Variants in SAMD5 observed in about 807,000 individuals in gnomAD.
The protein encoded by SAMD5 is sterile alpha motif domain-containing protein 5.
In SAMD5, 13 loss-of-function variants were observed where a neutral mutation model predicts 11.3. The observed-to-expected ratio is 1.15, with a 90% CI of 0.75 to 1.83. The LOEUF (loss-of-function observed/expected upper bound fraction) is 1.83, where lower values mean the gene tolerates loss of function less well. SAMD5 is among the 40% of genes most tolerant of loss of function. The pLI is 0.00. For synonymous variants in SAMD5, 129 were observed against 111.3 expected (o/e 1.16, Z -1.00); for missense variants, 255 against 239.1 (o/e 1.07, Z -0.44).
At chr6:147,576,670 T>A (rs1185463847) in intron 1 of SAMD5, among the ~76,000 whole-genome samples, 1 of 152,190 alleles carries the variant, frequency 6.6e-6, no homozygotes, top group East Asian at 1.9e-4. Context: ...AATAAACAAT[T>A]GTTGTTACTG....
In SAMD5 at chr6:147,567,319, T is replaced by C; in HGVS notation, c.*2863T>C. 1.0e-6 allele frequency: 1 copy of C among 985,376 alleles called. No individual in the cohort carries two copies. Among genetic ancestry groups the C allele is most frequent in the Non-Finnish European group, 1.2e-6 (1 of 829,858 alleles). The allele number at this position is 985,376 out of a possible 1,614,324, so 61.0% of individuals were successfully genotyped here. A position where few individuals can be genotyped will look rare whatever the true frequency, so the allele number is the denominator to read the frequency against. ...CGAGCAATTTCTCAGTTCAGAGATA[T>C]TTATAGCATCTTGGTGTTATGCAAT... On this transcript the variant is annotated 3_prime_UTR_variant, in exon 2 of 2. Coordinates refer to ENST00000367474, the MANE Select transcript of SAMD5 (RefSeq NM_001030060.3).
At chr6:147,749,769 T>C in the SAMD5 span, among the ~76,000 whole-genome samples, 11 of 152,164 alleles carry the variant, frequency 7.2e-5, no homozygotes, top group Non-Finnish European at 1.0e-4. Context: ...GCACAATTAA[T>C]GTGAAGAAAA....
intron 1 of SAMD5, among the ~76,000 whole-genome samples, chr6:147,691,658 G>A (rs1468821439): frequency 6.6e-6 from 1 of 152,154 alleles, no homozygotes; most frequent in African/African-American, 2.4e-5. Context: ...TAGGCAGAAA[G>A]CCACCAAAGC....
At chr6:147,703,418 T>A (rs988645050) in intron 1 of SAMD5, among the ~76,000 whole-genome samples, 19 of 152,302 alleles carry the variant, frequency 1.2e-4, no homozygotes, top group African/African-American at 4.6e-4. Flanking sequence ...ATTTTGACGG[T>A]CTGCATTTCA....
intron 1 of SAMD5, among the ~76,000 whole-genome samples, chr6:147,520,087 T>C (rs1788228552): frequency 6.6e-6 from 1 of 151,900 alleles, no homozygotes; most frequent in South Asian, 2.1e-4. Context: ...CTTATGAAGT[T>C]GCTTTGTAAA....
intron 1 of SAMD5, among the ~76,000 whole-genome samples, chr6:147,553,538 G>A (rs921313272): frequency 1.3e-5 from 2 of 152,152 alleles, no homozygotes; most frequent in Non-Finnish European, 2.9e-5. Flanking sequence ...CGCTGGACAC[G>A]ATGCCATAAG....
chr6:147,835,195 T>G, the SAMD5 span, among the ~76,000 whole-genome samples: 2 of 141,500 alleles, frequency 1.4e-5, no homozygotes, highest in Non-Finnish European at 3.0e-5. Flanking sequence ...ATTGCACCAC[T>G]GCACTCCAGC....
At chr6:147,815,923 G>T in the SAMD5 span, among the ~76,000 whole-genome samples, 5 of 152,010 alleles carry the variant, frequency 3.3e-5, no homozygotes, top group Admixed American at 2.0e-4. Context: ...AACAAAATGA[G>T]CCCCTTTTGG....
At chr6:147,827,034 C>T in the SAMD5 span, among the ~76,000 whole-genome samples, 2 of 152,110 alleles carry the variant, frequency 1.3e-5, no homozygotes, top group Non-Finnish European at 2.9e-5. Context: ...GCTGCTTTCA[C>T]AGAAACCCTA....
chr6:147,571,181 A>G (rs1033655863), downstream of SAMD5, among the ~76,000 whole-genome samples: 9 of 152,328 alleles, frequency 5.9e-5, no homozygotes, highest in Admixed American at 1.3e-4. Context: ...TTGATCTGAT[A>G]AGCATATTTA....
chr6:147,915,203 A>T, the SAMD5 span, among the ~76,000 whole-genome samples: 1 of 152,234 alleles, frequency 6.6e-6, no homozygotes, highest in African/African-American at 2.4e-5. Flanking sequence ...AAACATCTCT[A>T]TTCTCATGAA....
chr6:147,751,254 A>G, the SAMD5 span, among the ~76,000 whole-genome samples: 16 of 152,266 alleles, frequency 1.1e-4, no homozygotes, highest in African/African-American at 2.6e-4. Context: ...CCCTTGCTCT[A>G]CAATACTTCC....
the SAMD5 span, among the ~76,000 whole-genome samples, chr6:147,834,078 G>A: frequency 1.3e-5 from 2 of 152,192 alleles, no homozygotes; most frequent in Admixed American, 6.5e-5. Flanking sequence ...TGTATTATCA[G>A]CAGCATAGTT....
intron 1 of SAMD5, among the ~76,000 whole-genome samples, chr6:147,669,612 G>C (rs1790769681): frequency 6.6e-6 from 1 of 151,508 alleles, no homozygotes; most frequent in South Asian, 2.1e-4. Flanking sequence ...TGTATTTTTA[G>C]TAGAGATGGG....
In SAMD5 at chr6:147,508,902, C is replaced by T. The variant is rs763982544; in HGVS notation, c.-27C>T. 6.3e-7 allele frequency: 1 copy of T among 1,584,052 alleles called. No homozygotes were observed. The highest frequency in any genetic ancestry group is 8.6e-7 in the Non-Finnish European group (1 of 1,166,432). On this transcript the variant is annotated 5_prime_UTR_variant, in exon 1 of 2. Coordinates refer to ENST00000367474, the MANE Select transcript of SAMD5 (RefSeq NM_001030060.3). ...GTGCCATTTGGGCGCTGGGAAGGTG[C>T]TCGGCGGCGGGGTTCCCGGTCCCAC...
the SAMD5 span, among the ~76,000 whole-genome samples, chr6:147,886,716 C>A: frequency 6.6e-6 from 1 of 152,084 alleles, no homozygotes; most frequent in Non-Finnish European, 1.5e-5. Flanking sequence ...CATAGCTTTG[C>A]GCAGTGGCAG....
chr6:147,635,581 T>C (rs1314916401), intron 1 of SAMD5, among the ~76,000 whole-genome samples: 2 of 152,240 alleles, frequency 1.3e-5, no homozygotes, highest in African/African-American at 4.8e-5. Context: ...TCAACAAATA[T>C]GGATACCCCT....
the SAMD5 span, among the ~76,000 whole-genome samples, chr6:147,933,799 T>A: frequency 6.6e-6 from 1 of 152,196 alleles, no homozygotes; most frequent in Admixed American, 6.5e-5. Context: ...GCAGAGAAAA[T>A]GCATTGGGTC....
chr6:147,569,648 T>C lies in SAMD5; in HGVS notation c.*5192T>C, dbSNP rs544128211. 2.5e-4 allele frequency: 247 copies of C among 985,438 alleles called. No homozygotes were observed. In the African/African-American group the frequency reaches 4.1e-3, roughly 16 times the overall value. The allele number at this position is 985,438 out of a possible 1,614,324, so 61.0% of individuals were successfully genotyped here. On this transcript the variant is annotated 3_prime_UTR_variant, in exon 2 of 2. Transcript: ENST00000367474. The stretch of plus-strand genomic sequence containing the variant: ...CAAACGTTAGAAATTGTATTGTTCA[T>C]TGCACTTGTTGCCCTGTTCCCCAAG...
Sources: gnomAD v4.1 joint callset for allele counts (sites outside exome capture counted in the v4.1 genomes callset) on GRCh38, gnomAD v4.1.1 for gene constraint, MANE v1.5 for transcripts, NCBI Gene and HGNC (gene_info 2026-07-23, HGNC 2026-07-21) for gene names.